The following NR3C2 variants were observed in gnomAD, a reference collection of about 807,000 sequenced individuals.
NR3C2 encodes mineralocorticoid receptor.
In NR3C2, 15 loss-of-function variants were observed where a neutral mutation model predicts 86.4. The observed-to-expected ratio is 0.17, with a 90% confidence interval of 0.12 to 0.27. The LOEUF is 0.27. Among genes scored for constraint, NR3C2 ranks in the 10% least tolerant of loss-of-function variants. The probability of loss-of-function intolerance (pLI) is 1.00; values close to 1 mark genes in which losing one functional copy is unlikely to be tolerated. For synonymous variants in NR3C2, 458 were observed against 450.5 expected (o/e 1.02, Z -0.21); for missense variants, 960 against 1,195.6 (o/e 0.80, Z 2.91).
chr4:148,153,522 TA>T (rs1309424636), intron 5 of NR3C2, among the ~76,000 whole-genome samples: 1 of 152,216 alleles, frequency 6.6e-6, no homozygotes, highest in East Asian at 1.9e-4. Context: ...GGCATCATGT[TA>T]TTTTTCTGCC....
intron 6 of NR3C2, among the ~76,000 whole-genome samples, chr4:148,134,094 T>A (rs1023419890): frequency 6.6e-5 from 10 of 152,296 alleles, no homozygotes; most frequent in Admixed American, 5.2e-4. Context: ...TAAAAGCTGA[T>A]ACATCATCTG....
intron 2 of NR3C2, among the ~76,000 whole-genome samples, chr4:148,344,581 T>A (rs1365716736): frequency 6.6e-6 from 1 of 152,170 alleles, no homozygotes; most frequent in Non-Finnish European, 1.5e-5. Flanking sequence ...TAGCTGCTAT[T>A]AGCAGGAGCT....
At chr4:148,388,384 C>A (rs532469166) in intron 2 of NR3C2, among the ~76,000 whole-genome samples, 19 of 152,288 alleles carry the variant, frequency 1.2e-4, no homozygotes, top group African/African-American at 4.6e-4. Context: ...TTCCCTTGGG[C>A]GTCACATTGG....
chr4:148,295,470 C>T (rs1470800180), intron 2 of NR3C2, among the ~76,000 whole-genome samples: 1 of 150,560 alleles, frequency 6.6e-6, no homozygotes, highest in African/African-American at 2.5e-5. Context: ...AGACTAAATC[C>T]ACAGATATTT....
chr4:148,149,000 T>C (rs897410988), intron 6 of NR3C2, among the ~76,000 whole-genome samples: 1 of 152,240 alleles, frequency 6.6e-6, no homozygotes, highest in Non-Finnish European at 1.5e-5. Flanking sequence ...GGGTCTATCA[T>C]GGTACCCAGT....
At position 148,180,711 on chromosome 4, in the gene NR3C2, T is replaced by C. The variant is rs72653850; in HGVS notation, c.2014+14035A>G. On this transcript the variant is annotated intron_variant, in intron 4 of 8. Transcript: ENST00000358102. ...CACAGAGTAAGTGACCTAAATAATT[T>C]TGCATACTAATTTTGTATTATTAGT... is the stretch of plus-strand genomic sequence containing the variant. Among the ~76,000 whole-genome samples, 1,120 of 152,306 alleles carry C rather than the reference T, an allele frequency of 7.4e-3. 10 individuals carry two copies. The highest frequency in any genetic ancestry group is 0.026 in the African/African-American group (1,067 of 41,562).
chr4:148,160,770 G>A (rs1404189837), intron 4 of NR3C2, among the ~76,000 whole-genome samples: 1 of 152,112 alleles, frequency 6.6e-6, no homozygotes, highest in African/African-American at 2.4e-5. Flanking sequence ...AACAGTAACA[G>A]CATTCTCTTC....
At chr4:148,363,379 C>A (rs1745937950) in intron 2 of NR3C2, among the ~76,000 whole-genome samples, 1 of 151,990 alleles carries the variant, frequency 6.6e-6, no homozygotes, top group South Asian at 2.1e-4. Flanking sequence ...ATTTTTCAGT[C>A]ATTTATTCAC....
chr4:148,445,234 G>T (rs563547226), upstream of NR3C2, among the ~76,000 whole-genome samples: 4 of 151,952 alleles, frequency 2.6e-5, no homozygotes, highest in East Asian at 1.9e-4. Context: ...TCCCACCTGC[G>T]GGGGGAGGCG....
At chr4:148,318,766 C>G (rs1256770945) in intron 2 of NR3C2, among the ~76,000 whole-genome samples, 46 of 152,184 alleles carry the variant, frequency 3.0e-4, no homozygotes, top group Non-Finnish European at 4.3e-4. Flanking sequence ...ATTGTAGATT[C>G]TGGATATTAG....
chr4:148,113,979 C>T lies in NR3C2; in HGVS notation c.2799+125G>A, dbSNP rs1313226351. On this transcript the variant is annotated intron_variant, in intron 8 of 8. Coordinates refer to ENST00000358102, the MANE Select transcript of NR3C2 (RefSeq NM_000901.5). ...TCAGCCCCTTGGACATGGCGATATC[C>T]TTAATGGAGTCAACAGAGGTCTAGC... The T allele has an allele frequency of 1.2e-5, 14 of 1,149,574 alleles. No homozygotes were observed. In the Admixed American group the frequency reaches 2.6e-4, roughly 21 times the overall value. The allele number at this position is 1,149,574 out of a possible 1,614,324, so 71.2% of individuals were successfully genotyped here. A position where few individuals can be genotyped will look rare whatever the true frequency, so the allele number is the denominator to read the frequency against.
chr4:148,182,506 T>G (rs1735689912), intron 4 of NR3C2, among the ~76,000 whole-genome samples: 1 of 152,242 alleles, frequency 6.6e-6, no homozygotes, highest in Admixed American at 6.5e-5. Flanking sequence ...CCTACTTTTT[T>G]AAAGGACCTC....
In NR3C2 at chr4:148,435,466, G is replaced by A. The variant is rs772532598; in HGVS notation, c.1395C>T (p.Asp465=). 1 of 1,614,136 alleles carries A rather than the reference G, an allele frequency of 6.2e-7. No individual in the cohort carries two copies. The change falls in exon 2 of 9, where the codon GAC becomes GAT. Residue 465 remains aspartate (D), a synonymous_variant. Transcript: ENST00000358102. The part of the protein sequence containing the change: ...GSYFSFMDDK[D]YYSLSGILGP... ...CTAAAATTCCTGATAGGGAATAATA[G>A]TCTTTATCATCCATAAAGGAAAAAT...
intron 2 of NR3C2, among the ~76,000 whole-genome samples, chr4:148,386,289 C>T (rs1455485160): frequency 6.6e-6 from 1 of 152,160 alleles, no homozygotes; most frequent in African/African-American, 2.4e-5. Flanking sequence ...TTAACAGGGC[C>T]ACTCCCTTGT....
At chr4:148,437,322 A>T (rs935412032) in intron 1 of NR3C2, among the ~76,000 whole-genome samples, 3 of 152,248 alleles carry the variant, frequency 2.0e-5, no homozygotes, top group African/African-American at 7.2e-5. Context: ...GAGTCTTTGG[A>T]TCATATAGAA....
intron 2 of NR3C2, among the ~76,000 whole-genome samples, chr4:148,428,970 A>G (rs1485067370): frequency 2.6e-5 from 4 of 152,062 alleles, no homozygotes; most frequent in African/African-American, 7.3e-5. Context: ...TCTAGTTCCA[A>G]CTAGCCTCTT....
chr4:148,230,404 C>T (rs891476802), intron 3 of NR3C2, among the ~76,000 whole-genome samples: 1 of 152,122 alleles, frequency 6.6e-6, no homozygotes, highest in African/African-American at 2.4e-5. Flanking sequence ...AGCATGTTGG[C>T]CAAGCTGGGC....
At chr4:148,218,519 T>C (rs1737664885) in intron 3 of NR3C2, among the ~76,000 whole-genome samples, 1 of 152,230 alleles carries the variant, frequency 6.6e-6, no homozygotes, top group South Asian at 2.1e-4. Flanking sequence ...CATCTTATTT[T>C]TCAAGTACAC....
intron 8 of NR3C2, among the ~76,000 whole-genome samples, chr4:148,103,754 C>G (rs912888490): frequency 6.6e-6 from 1 of 152,114 alleles, no homozygotes; most frequent in Non-Finnish European, 1.5e-5. Context: ...AATGTGGTGA[C>G]CGAAGAAGGA....
Sources: gnomAD v4.1 joint callset for allele counts (sites outside exome capture counted in the v4.1 genomes callset) on GRCh38, gnomAD v4.1.1 for gene constraint, MANE v1.5 for transcripts, NCBI Gene and HGNC (gene_info 2026-07-23, HGNC 2026-07-21) for gene names.